LGR6: variants seen among roughly 807,000 people sequenced by gnomAD.
LGR6 encodes leucine-rich repeat-containing G protein-coupled receptor 6.
In LGR6, 45 loss-of-function variants were observed where a neutral mutation model predicts 69.4. The observed-to-expected ratio is 0.65, with a 90% CI of 0.51 to 0.83. The LOEUF is 0.83. LGR6 is among the 40% of genes least tolerant of loss of function. The pLI, the probability that LGR6 is intolerant of heterozygous loss-of-function variation, is 0.00. For synonymous variants in LGR6, 538 were observed against 555.0 expected (o/e 0.97, Z 0.43); for missense variants, 1,108 against 1,246.7 (o/e 0.89, Z 1.68).
chr1:202,250,223 T>C (rs1663111133), intron 4 of LGR6, among the ~76,000 whole-genome samples: 1 of 152,102 alleles, frequency 6.6e-6, no homozygotes, highest in Admixed American at 6.5e-5. Context: ...GAATGTCTCC[T>C]CCTGAAGGAG....
rs1654270986 is a variant in LGR6, at chr1:202,317,916, C to T, written c.1649-36C>T. On this transcript the variant is annotated intron_variant, in intron 17 of 17. Coordinates refer to ENST00000367278, the MANE Select transcript of LGR6 (RefSeq NM_001017403.2). ...GTCCTGAAGACCTGGTCCCACCATC[C>T]TCTGGCCCAGGGTTAATGTCTGATC... The T allele has an allele frequency of 4.5e-6, 7 of 1,548,526 alleles. No individual in the cohort carries two copies. In the East Asian group the frequency reaches 1.6e-4, roughly 35 times the overall value.
At chr1:202,277,494 A>G (rs1665669119) in intron 5 of LGR6, among the ~76,000 whole-genome samples, 1 of 152,098 alleles carries the variant, frequency 6.6e-6, no homozygotes, top group South Asian at 2.1e-4. Context: ...AAACAGAACA[A>G]GGTGATTGGT....
chr1:202,307,203 C>G, intron 13 of LGR6, 127 bp from the exon 14 acceptor site: 1 of 938,664 alleles, frequency 1.1e-6, no homozygotes, highest in Middle Eastern at 2.1e-4. Flanking sequence ...GGTACCTTCC[C>G]CAAAAGGCAA....
intron 1 of LGR6, among the ~76,000 whole-genome samples, chr1:202,224,845 G>A (rs1660401266): frequency 6.6e-6 from 1 of 152,182 alleles, no homozygotes; most frequent in African/African-American, 2.4e-5. Flanking sequence ...GGTAGAGCCT[G>A]GTAGACACCT....
At chr1:202,287,376 A>G (rs1666468020) in intron 6 of LGR6, among the ~76,000 whole-genome samples, 1 of 152,088 alleles carries the variant, frequency 6.6e-6, no homozygotes, top group Admixed American at 6.6e-5. Flanking sequence ...TTCTGACCTC[A>G]TCACCCTAAC....
chr1:202,249,384 A>C (rs549942421), intron 4 of LGR6, among the ~76,000 whole-genome samples: 3 of 152,148 alleles, frequency 2.0e-5, no homozygotes, highest in African/African-American at 7.2e-5. Context: ...CCATCCTATA[A>C]ATGGCAGAAT....
Position 202,194,067 on chromosome 1 carries a change from C to G in LGR6, c.78C>G (p.Pro26=), listed in dbSNP as rs150296775. ...LCASRRAGGA[P]QPGPGPTACP... ...CTTCCCGGAGGGCCGGCGGCGCCCC[C>G]CAGCCCGGCCCGGGGCCCACCGCCT... Residue 26 remains proline (P), a synonymous_variant, in exon 1 of 18, where the codon CCC becomes CCG. Transcript: ENST00000367278. The G allele has an allele frequency of 1.1e-5, 16 of 1,442,274 alleles. No individual in the cohort carries two copies. The African/African-American group carries it at 2.1e-4, about 19-fold the overall frequency. The allele number at this position is 1,442,274 out of a possible 1,614,324, so 89.3% of individuals were successfully genotyped here. A position where few individuals can be genotyped will look rare whatever the true frequency, so the allele number is the denominator to read the frequency against.
chr1:202,303,781 A>G (rs1572003587), intron 10 of LGR6, among the ~76,000 whole-genome samples: 1 of 152,170 alleles, frequency 6.6e-6, no homozygotes, highest in Non-Finnish European at 1.5e-5. Context: ...CCCTCAATAC[A>G]TTTAAATGAA....
intron 1 of LGR6, among the ~76,000 whole-genome samples, chr1:202,223,227 AG>A (rs1350702538): frequency 2.0e-5 from 3 of 152,200 alleles, no homozygotes; most frequent in Non-Finnish European, 4.4e-5. Context: ...GGTGTTCTGC[AG>A]GGGAGCAGGG....
intron 4 of LGR6, among the ~76,000 whole-genome samples, chr1:202,239,945 A>G (rs1027163975): frequency 1.3e-5 from 2 of 152,232 alleles, no homozygotes; most frequent in Admixed American, 6.5e-5. Context: ...TACTTCTACA[A>G]TGATCATTAG....
chr1:202,313,397 A>G (rs1452657772), intron 16 of LGR6, among the ~76,000 whole-genome samples: 1 of 151,772 alleles, frequency 6.6e-6, no homozygotes, highest in Non-Finnish European at 1.5e-5. Context: ...AATCTCCTGA[A>G]CCCTCCCCAC....
intron 4 of LGR6, among the ~76,000 whole-genome samples, chr1:202,272,914 C>T (rs1665226115): frequency 6.6e-6 from 1 of 152,234 alleles, no homozygotes; most frequent in Non-Finnish European, 1.5e-5. Flanking sequence ...GCCATCTTCT[C>T]AGCTCAGCCA....
chr1:202,262,026 A>G (rs1019769366), intron 4 of LGR6, among the ~76,000 whole-genome samples: 74 of 152,138 alleles, frequency 4.9e-4, no homozygotes, highest in Middle Eastern at 3.4e-3. Flanking sequence ...TTCTCCCATT[A>G]TGTAGGTTGC....
At chr1:202,289,284 G>T (rs1666620816) in intron 6 of LGR6, among the ~76,000 whole-genome samples, 1 of 152,204 alleles carries the variant, frequency 6.6e-6, no homozygotes, top group Non-Finnish European at 1.5e-5. Context: ...GCATGTCAGT[G>T]AGTGCCTTGC....
rs375066995 is a variant in LGR6, at chr1:202,268,456, C to CT, written c.429-7837dup. On this transcript the variant is annotated intron_variant, in intron 4 of 17. Coordinates refer to ENST00000367278, the MANE Select transcript of LGR6 (RefSeq NM_001017403.2). The surrounding 1 kb of genome is among the most constrained non-coding windows in gnomAD (Gnocchi z 4.4). ...AGAATAACCATTTCCATAGTGGCTG[C>CT]TTTTTTTTTTTTTAACTTTTAATAT... 9.0e-3 allele frequency among the ~76,000 whole-genome samples: 1,314 copies of CT among 145,366 alleles called. 16 individuals are homozygous for CT. Among genetic ancestry groups the CT allele is most frequent in the African/African-American group, 0.019 (758 of 39,806 alleles).
intron 3 of LGR6, 30 bp from the exon 4 acceptor site, chr1:202,235,892 G>A (rs370368734): frequency 3.2e-5 from 52 of 1,607,532 alleles, no homozygotes; most frequent in African/African-American, 4.0e-5. Flanking sequence ...TACCATGTGC[G>A]TCCTTAAAGC....
intron 3 of LGR6, among the ~76,000 whole-genome samples, chr1:202,232,010 T>C (rs908429892): frequency 2.0e-5 from 3 of 151,818 alleles, no homozygotes; most frequent in Admixed American, 6.6e-5. Flanking sequence ...GAGAATCACT[T>C]GAGCCCGGGA....
At chr1:202,199,676 A>G (rs1658771345) in intron 1 of LGR6, among the ~76,000 whole-genome samples, 1 of 151,538 alleles carries the variant, frequency 6.6e-6, no homozygotes, top group Admixed American at 6.6e-5. Flanking sequence ...CGGGGGAGAG[A>G]CACACAGGGC....
In LGR6 at chr1:202,309,072, G is replaced by A. The variant is rs1339940250; in HGVS notation, c.1302G>A (p.Leu434=). 2 of 1,613,972 alleles carry A rather than the reference G, an allele frequency of 1.2e-6. No homozygotes were observed. Among genetic ancestry groups the A allele is most frequent in the Non-Finnish European group, 1.7e-6 (2 of 1,180,004 alleles). ...LVKLDLTDNQ[L]TTLPLAGLGG... ...CTAGGGACCTGACAGACAACCAGCT[G>A]ACCACACTGCCCCTGGCTGGACTTG... The change falls in exon 15 of 18, where the codon CTG becomes CTA. Residue 434 remains leucine (L), a synonymous_variant. Coordinates refer to ENST00000367278, the MANE Select transcript of LGR6 (RefSeq NM_001017403.2).
Sources: gnomAD v4.1 joint callset for allele counts (sites outside exome capture counted in the v4.1 genomes callset) on GRCh38, gnomAD v4.1.1 for gene constraint, Gnocchi (gnomAD v3.1) non-coding constraint, MANE v1.5 for transcripts, NCBI Gene and HGNC (gene_info 2026-07-23, HGNC 2026-07-21) for gene names.